SLC22A23: variants seen among roughly 807,000 people sequenced by gnomAD.
The protein encoded by SLC22A23 is solute carrier family 22 member 23.
In SLC22A23, 26 loss-of-function variants were observed where a neutral mutation model predicts 61.0. That is an observed-to-expected ratio of 0.43 (90% CI 0.31 to 0.59). SLC22A23 has a LOEUF of 0.59. SLC22A23 is among the 20% of genes least tolerant of loss of function. The pLI, the probability that SLC22A23 is intolerant of heterozygous loss-of-function variation, is 0.11. For synonymous variants in SLC22A23, 430 were observed against 413.9 expected (o/e 1.04, Z -0.47); for missense variants, 796 against 934.7 (o/e 0.85, Z 1.94).
At chr6:3,343,778 C>G (rs1233653805) in intron 3 of SLC22A23, among the ~76,000 whole-genome samples, 1 of 152,184 alleles carries the variant, frequency 6.6e-6, no homozygotes, top group Non-Finnish European at 1.5e-5. Flanking sequence ...CAATCACTGT[C>G]AAACATTGGT....
Position 3,390,136 on chromosome 6 carries a change from G to A in SLC22A23, c.913+20052C>T, listed in dbSNP as rs1767574509. On this transcript the variant is annotated intron_variant, in intron 3 of 9. Transcript: ENST00000406686. The surrounding 1 kb of genome is among the most constrained non-coding windows in gnomAD (Gnocchi z 4.0). ...CTCATCCGGAACAGCAACCAGCGGT[G>A]AGCCACAGTCAGGAAAAGGAATGAG... Among the ~76,000 whole-genome samples, 1 of 152,188 alleles carries A rather than the reference G, an allele frequency of 6.6e-6. No individual in the cohort carries two copies. Among genetic ancestry groups the A allele is most frequent in the Admixed American group, 6.5e-5 (1 of 15,286 alleles).
chr6:3,420,869 C>G (rs1364872601), intron 1 of SLC22A23, among the ~76,000 whole-genome samples: 1 of 152,050 alleles, frequency 6.6e-6, no homozygotes, highest in East Asian at 1.9e-4. Flanking sequence ...CTTTTGGAGG[C>G]CAAGGTGGGA....
At chr6:3,364,980 G>A (rs1765711469) in intron 3 of SLC22A23, among the ~76,000 whole-genome samples, 1 of 152,206 alleles carries the variant, frequency 6.6e-6, no homozygotes, top group Non-Finnish European at 1.5e-5. Flanking sequence ...TTAAAGGGCC[G>A]AGGGAATGAG....
intron 3 of SLC22A23, among the ~76,000 whole-genome samples, chr6:3,332,715 A>G (rs1313382426): frequency 1.3e-5 from 2 of 152,202 alleles, no homozygotes; most frequent in Non-Finnish European, 2.9e-5. Flanking sequence ...CTTTAATATT[A>G]TTCAATATCT....
chr6:3,348,278 G>T (rs71552174), intron 3 of SLC22A23, among the ~76,000 whole-genome samples: 2,715 of 152,312 alleles, frequency 0.018, 32 homozygotes, highest in South Asian at 0.042. Context: ...ACCATGGCCT[G>T]GAACAGCTAC....
intron 3 of SLC22A23, among the ~76,000 whole-genome samples, chr6:3,394,741 C>T (rs1236226173): frequency 6.6e-6 from 1 of 152,196 alleles, no homozygotes; most frequent in Non-Finnish European, 1.5e-5. Flanking sequence ...CCACGTCGCT[C>T]TGAGGCCTGC....
At chr6:3,378,521 G>A (rs1049835232) in intron 3 of SLC22A23, among the ~76,000 whole-genome samples, 6 of 152,144 alleles carry the variant, frequency 3.9e-5, no homozygotes. Flanking sequence ...TCTGTCGACT[G>A]TGACTGGCTT....
Position 3,283,886 on chromosome 6 carries a change from A to AGCCT in SLC22A23, c.1668_1669insAGGC (p.Phe557ArgfsTer73). The AGCCT allele has an allele frequency of 6.2e-7, 1 of 1,613,450 alleles. No individual in the cohort carries two copies. Among genetic ancestry groups the AGCCT allele is most frequent in the Non-Finnish European group, 8.5e-7 (1 of 1,179,572 alleles). ...GTCGGGGTGATCTCCGCACAGAAGA[A>AGCCT]CACGCTGAGGCTCCCCACCGCATGG... On this transcript the variant is annotated frameshift_variant, in exon 9 of 10. Transcript: ENST00000406686. LOFTEE classifies it high-confidence loss of function.
At chr6:3,298,048 C>T in intron 5 of SLC22A23, 43 bp downstream of exon 5, 1 of 1,460,218 alleles carries the variant, frequency 6.8e-7, no homozygotes, top group Non-Finnish European at 9.0e-7. Context: ...GGGACCTGCC[C>T]CGTGGAGCCT....
chr6:3,368,239 T>A (rs1372056309), intron 3 of SLC22A23, among the ~76,000 whole-genome samples: 1 of 152,208 alleles, frequency 6.6e-6, no homozygotes, highest in African/African-American at 2.4e-5. Flanking sequence ...CTCTTCCACA[T>A]GGTCCCAGTG....
intron 6 of SLC22A23, among the ~76,000 whole-genome samples, chr6:3,288,061 G>A (rs1377788110): frequency 5.3e-5 from 8 of 152,114 alleles, no homozygotes; most frequent in South Asian, 2.1e-4. Flanking sequence ...CCACACGAGC[G>A]TATCAACCTG....
chr6:3,278,671 G>T (rs1213973415), intron 9 of SLC22A23, among the ~76,000 whole-genome samples: 12 of 152,206 alleles, frequency 7.9e-5, no homozygotes, highest in Non-Finnish European at 1.5e-4. Flanking sequence ...GACAACCACG[G>T]AAATGAGCAA....
At chr6:3,332,076 C>T (rs886834004) in intron 3 of SLC22A23, among the ~76,000 whole-genome samples, 1 of 152,206 alleles carries the variant, frequency 6.6e-6, no homozygotes, top group African/African-American at 2.4e-5. Flanking sequence ...GCAAATGGAG[C>T]CTCACAGGCC....
Position 3,386,227 on chromosome 6 carries a change from C to CT in SLC22A23, c.913+23960dup, listed in dbSNP as rs1345149392. ...AGCATCACAGGGAAGCCAGTGTGCCCTGACAGTGCACGGTTAGGGGTTTAG... is the reference window on the plus strand; with the variant it reads ...AGCATCACAGGGAAGCCAGTGTGCCCTTGACAGTGCACGGTTAGGGGTTTAG... On this transcript the variant is annotated intron_variant, in intron 3 of 9. Coordinates refer to ENST00000406686, the MANE Select transcript of SLC22A23 (RefSeq NM_015482.2). This position sits in a 1 kb window ranked among gnomAD's most constrained non-coding sequence, Gnocchi z 4.4. 6.6e-6 allele frequency among the ~76,000 whole-genome samples: 1 copy of CT among 152,148 alleles called. No homozygotes were observed. The highest frequency in any genetic ancestry group is 2.4e-5 in the African/African-American group (1 of 41,432).
At chr6:3,323,479 C>T in intron 4 of SLC22A23, 1 of 412,440 alleles carries the variant, frequency 2.4e-6, no homozygotes, top group Non-Finnish European at 4.6e-6. Flanking sequence ...CAAATCCCCC[C>T]TCCTAACACA....
chr6:3,450,753 G>C (rs935807942), intron 1 of SLC22A23, among the ~76,000 whole-genome samples: 1 of 152,186 alleles, frequency 6.6e-6, no homozygotes, highest in Non-Finnish European at 1.5e-5. Context: ...ACTTTGATTA[G>C]AACTGTGAAA....
chr6:3,283,443 G>A lies in SLC22A23; in HGVS notation c.1703+409C>T, dbSNP rs117633256. ...GTGAAACTCCATCTCGGGGAGGGCC[G>A]GGGGGTAGGCTCTTTCTACTTTGTG... On this transcript the variant is annotated intron_variant, in intron 9 of 9. Transcript: ENST00000406686. 774 of 264,646 alleles carry A rather than the reference G, an allele frequency of 2.9e-3. 33 individuals carry two copies. In the East Asian group the frequency reaches 0.074, roughly 25 times the overall value. 16.4% of individuals were successfully genotyped at this position (264,646 alleles called of 1,614,324 possible).
At position 3,315,870 on chromosome 6, in the gene SLC22A23, A is replaced by AAAAAG. The variant is rs376486965; in HGVS notation, c.1082+7959_1082+7963dup. Among the ~76,000 whole-genome samples, 111 of 97,418 alleles carry AAAAAG rather than the reference A, an allele frequency of 1.1e-3. 1 individual carries two copies. The South Asian group carries it at 0.017, about 15-fold the overall frequency. The allele number at this position is 97,418 out of a possible 152,430, so 63.9% of individuals were successfully genotyped here. A position where few individuals can be genotyped will look rare whatever the true frequency, so the allele number is the denominator to read the frequency against. ...CAGAGTGAGAATCCGTCTCAAAAAAAAAAAGAAAAGAAAAGAAAAGAAAAG... is the reference window on the plus strand; with the variant it reads ...CAGAGTGAGAATCCGTCTCAAAAAAAAAAAGAAAAGAAAAGAAAAGAAAAGAAAAG... On this transcript the variant is annotated intron_variant, in intron 4 of 9. Coordinates refer to ENST00000406686, the MANE Select transcript of SLC22A23 (RefSeq NM_015482.2).
At chr6:3,326,600 T>G (rs1318880023) in intron 3 of SLC22A23, among the ~76,000 whole-genome samples, 1 of 152,236 alleles carries the variant, frequency 6.6e-6, no homozygotes, top group African/African-American at 2.4e-5. Context: ...TAGCAGAGCC[T>G]TGACTTTATT....
Sources: gnomAD v4.1 joint callset for allele counts (sites outside exome capture counted in the v4.1 genomes callset) on GRCh38, gnomAD v4.1.1 for gene constraint, Gnocchi (gnomAD v3.1) non-coding constraint, MANE v1.5 for transcripts, NCBI Gene and HGNC (gene_info 2026-07-23, HGNC 2026-07-21) for gene names.